The following GLB1 variants were observed in gnomAD, a reference collection of about 807,000 sequenced individuals.
The protein encoded by GLB1 is beta-galactosidase.
A neutral mutation model predicts 74.0 loss-of-function variants in GLB1; 56 were observed. The ratio of observed to expected loss-of-function variants is 0.76; its 90% CI spans 0.61 to 0.94. The LOEUF (loss-of-function observed/expected upper bound fraction) is 0.94, where lower values mean the gene tolerates loss of function less well. GLB1 is among the 40% of genes least tolerant of loss of function. The pLI, the probability that GLB1 is intolerant of heterozygous loss-of-function variation, is 0.00. For missense variants in GLB1, 787 were observed against 845.5 expected (o/e 0.93, Z 0.86); for synonymous variants, 323 against 323.6 (o/e 1.00, Z 0.02).
chr3:33,053,881 C>A (rs1353269380), intron 6 of GLB1, among the ~76,000 whole-genome samples: 2 of 152,138 alleles, frequency 1.3e-5, no homozygotes, highest in Admixed American at 1.3e-4. Context: ...GGCATGGTGG[C>A]ACACACTTGT....
intron 15 of GLB1, among the ~76,000 whole-genome samples, chr3:33,013,389 C>T (rs904618962): frequency 6.6e-6 from 1 of 152,104 alleles, no homozygotes; most frequent in Non-Finnish European, 1.5e-5. Flanking sequence ...GGGAAAGGAC[C>T]ATGTTTGGTT....
chr3:33,070,773 C>T (rs1699861169), intron 2 of GLB1, among the ~76,000 whole-genome samples: 1 of 152,072 alleles, frequency 6.6e-6, no homozygotes, highest in Non-Finnish European at 1.5e-5. Flanking sequence ...CACCTGAGCC[C>T]ACTTTAAGGT....
chr3:33,062,131 G>A (rs542726696), intron 5 of GLB1, among the ~76,000 whole-genome samples: 1 of 152,252 alleles, frequency 6.6e-6, no homozygotes, highest in South Asian at 2.1e-4. Flanking sequence ...CCTTCAACAT[G>A]AATTAAGACA....
In GLB1 at chr3:33,018,579, T is replaced by A; in HGVS notation, c.1234-18A>T. ...CCATAATGCTGGTTAGAAAAGGATT[T>A]AAGAAAAATACATCACTATTGCCAT... On this transcript the variant is annotated intron_variant, in intron 12 of 15. Coordinates refer to ENST00000307363, the MANE Select transcript of GLB1 (RefSeq NM_000404.4). 6.2e-7 allele frequency: 1 copy of A among 1,613,322 alleles called. No individual in the cohort carries two copies.
chr3:32,970,779 G>A, the GLB1 span, among the ~76,000 whole-genome samples: 1,813 of 152,056 alleles, frequency 0.012, 79 homozygotes, highest in East Asian at 0.12. Flanking sequence ...CCTAACCACC[G>A]GTAAGAAGGA....
chr3:33,084,150 C>G (rs984590901), intron 1 of GLB1, among the ~76,000 whole-genome samples: 1 of 152,158 alleles, frequency 6.6e-6, no homozygotes, highest in African/African-American at 2.4e-5. Context: ...ATTCCTGACA[C>G]GAGCTGTTCA....
chr3:33,025,496 T>C (rs943428150), intron 10 of GLB1, among the ~76,000 whole-genome samples: 13 of 152,204 alleles, frequency 8.5e-5, no homozygotes, highest in Non-Finnish European at 1.8e-4. Context: ...GATCCTTCTA[T>C]TTCTTTCTTT....
At chr3:32,970,006 T>C in the GLB1 span, among the ~76,000 whole-genome samples, 1 of 152,160 alleles carries the variant, frequency 6.6e-6, no homozygotes, top group Non-Finnish European at 1.5e-5. Flanking sequence ...CATTTGCACC[T>C]TTTCAGGATA....
the GLB1 span, among the ~76,000 whole-genome samples, chr3:32,991,236 G>T: frequency 6.6e-6 from 1 of 151,982 alleles, no homozygotes; most frequent in South Asian, 2.1e-4. Flanking sequence ...ACCGGGGCCT[G>T]GCAATTTGCA....
intron 15 of GLB1, among the ~76,000 whole-genome samples, chr3:33,003,451 T>A (rs1473599372): frequency 1.3e-5 from 2 of 152,230 alleles, no homozygotes; most frequent in Non-Finnish European, 2.9e-5. Flanking sequence ...TTCTAGCCTA[T>A]TTACCCATTT....
At chr3:33,003,092 C>G (rs938034340) in intron 15 of GLB1, among the ~76,000 whole-genome samples, 2 of 152,318 alleles carry the variant, frequency 1.3e-5, no homozygotes, top group Non-Finnish European at 2.9e-5. Flanking sequence ...GCAAATCACA[C>G]TTTTTTGCTT....
At chr3:33,096,667 G>A (rs1023527233) in intron 1 of GLB1, 19 of 1,128,864 alleles carry the variant, frequency 1.7e-5, no homozygotes, top group Non-Finnish European at 2.0e-5. Flanking sequence ...TCTAACCCGC[G>A]CAACTTGGAA....
At chr3:33,012,498 G>A (rs1242950704) in intron 15 of GLB1, among the ~76,000 whole-genome samples, 7 of 152,172 alleles carry the variant, frequency 4.6e-5, no homozygotes, top group Admixed American at 4.6e-4. Flanking sequence ...CTATGATGAA[G>A]TAGACTCTCA....
chr3:33,000,710 G>C (rs1480672439), intron 15 of GLB1, among the ~76,000 whole-genome samples: 2 of 152,106 alleles, frequency 1.3e-5, no homozygotes, highest in African/African-American at 2.4e-5. Context: ...CTGGGTGATA[G>C]AGCAAGACTC....
chr3:33,026,564 G>A (rs144289576), intron 10 of GLB1, among the ~76,000 whole-genome samples: 179 of 152,246 alleles, frequency 1.2e-3, no homozygotes, highest in East Asian at 3.5e-3. Flanking sequence ...CCTGGGGTTC[G>A]GGCCACTAGT....
At chr3:33,010,616 T>G (rs1415351721) in intron 15 of GLB1, among the ~76,000 whole-genome samples, 3 of 152,234 alleles carry the variant, frequency 2.0e-5, no homozygotes, top group Non-Finnish European at 2.9e-5. Context: ...TAATGCTTTT[T>G]GAAGAACAAA....
chr3:33,094,097 C>T (rs755068860), intron 1 of GLB1: 23 of 1,614,130 alleles, frequency 1.4e-5, no homozygotes, highest in Non-Finnish European at 1.9e-5. Context: ...GCTCAAGGCT[C>T]TCTGCCAGAT....
intron 1 of GLB1, chr3:33,092,809 C>T (rs756708185): frequency 3.8e-6 from 6 of 1,566,576 alleles, no homozygotes; most frequent in Non-Finnish European, 5.2e-6. Flanking sequence ...AAGGGCAGGG[C>T]AGAGGTGCAC....
In GLB1 at chr3:33,080,093, T is replaced by G. The variant is rs75119082; in HGVS notation, c.76-7380A>C. Among the ~76,000 whole-genome samples the G allele has an allele frequency of 2.4e-3, 335 of 137,780 alleles. 7 individuals are homozygous for G. In the South Asian group the frequency reaches 0.046, roughly 19 times the overall value. 90.4% of individuals were successfully genotyped at this position (137,780 alleles called of 152,430 possible). On this transcript the variant is annotated intron_variant, in intron 1 of 15. Coordinates refer to ENST00000307363, the MANE Select transcript of GLB1 (RefSeq NM_000404.4). ...GCCACTGTGCCCAGCCTGAAAACTG[T>G]TTTTTTTTGTTTGTTTGTTTGTTTT... is the stretch of plus-strand genomic sequence containing the variant.
Sources: gnomAD v4.1 joint callset for allele counts (sites outside exome capture counted in the v4.1 genomes callset) on GRCh38, gnomAD v4.1.1 for gene constraint, MANE v1.5 for transcripts, NCBI Gene and HGNC (gene_info 2026-07-23, HGNC 2026-07-21) for gene names.